The following MLLT6 variants were observed in gnomAD, a reference collection of about 807,000 sequenced individuals.
The protein encoded by MLLT6 is MLLT6, PHD finger containing.
In MLLT6, 22 loss-of-function variants were observed where a neutral mutation model predicts 103.0. The ratio of observed to expected loss-of-function variants is 0.21; its 90% CI spans 0.15 to 0.31. MLLT6 has a LOEUF of 0.31. MLLT6 is among the 10% of genes least tolerant of loss of function. The pLI is 1.00. For missense variants in MLLT6, 1,199 were observed against 1,441.7 expected (o/e 0.83, Z 2.73); for synonymous variants, 606 against 623.5 (o/e 0.97, Z 0.42).
At chr17:38,722,396 T>TAAG (rs1327193419) in intron 17 of MLLT6, among the ~76,000 whole-genome samples, 169 bp downstream of exon 17, 1 of 152,182 alleles carries the variant, frequency 6.6e-6, no homozygotes, top group African/African-American at 2.4e-5. Flanking sequence ...CACAGACTGT[T>TAAG]AGACATGTGT....
Position 38,709,292 on chromosome 17 carries a change from C to G in MLLT6, c.458+16C>G, listed in dbSNP as rs775093850. The G allele has an allele frequency of 6.2e-7, 1 of 1,604,230 alleles. No individual in the cohort carries two copies. Among genetic ancestry groups the G allele is most frequent in the South Asian group, 1.1e-5 (1 of 90,858 alleles). ...ACGTCACCTGGTGAGACCCCTGTCC[C>G]ACCCCCCTGCCCCCCGGGTTTGTCC... is the stretch of plus-strand genomic sequence containing the variant. On this transcript the variant is annotated intron_variant, in intron 5 of 19. Transcript: ENST00000621332. This position sits in a 1 kb window ranked among gnomAD's most constrained non-coding sequence, Gnocchi z 4.3.
Position 38,711,950 on chromosome 17 carries a change from G to C in MLLT6, c.656G>C (p.Arg219Pro), listed in dbSNP as rs376062210. The change falls in exon 7 of 20, where the codon CGG (arginine) becomes CCG (proline). Residue 219 changes from arginine (R) to proline (P), a missense_variant. Physicochemically the swap from Arg to Pro is moderately radical, Grantham distance 103 (BLOSUM62 -2). Coordinates refer to ENST00000621332, the MANE Select transcript of MLLT6 (RefSeq NM_005937.4). ...GSGFISGRRS[R>P]SASPSTQQEK... ...GGTTTCATCTCTGGGAGGAGAAGCC[G>C]GTCAGCCTCACCATCCACGCAGCAG... The C allele has an allele frequency of 3.1e-6, 5 of 1,609,390 alleles. No homozygotes were observed. The highest frequency in any genetic ancestry group is 4.2e-6 in the Non-Finnish European group (5 of 1,177,420).
rs754374970 is a variant in MLLT6 at position 38,716,500 on chromosome 17, G to T, written c.1170G>T (p.Lys390Asn). ...CTCCCTCAGCTCCCGAGCCCCCCAA[G>T]GCTGACCTTTTTGAGCAGAAGGTGG... Reference protein sequence around the residue: ...PPSPSAPEPPKADLFEQKVVF... With the variant: ...PPSPSAPEPPNADLFEQKVVF... The change falls in exon 10 of 20, where the codon AAG becomes AAT. Residue 390 changes from lysine to asparagine, a missense_variant. This residue lies in a region of MLLT6 where 1,034 missense variants were observed against 1,091.5 expected (regional missense o/e 0.95). Coordinates refer to ENST00000621332, the MANE Select transcript of MLLT6 (RefSeq NM_005937.4). This position sits in a 1 kb window ranked among gnomAD's most constrained non-coding sequence, Gnocchi z 5.6. 1.2e-6 allele frequency: 2 copies of T among 1,614,158 alleles called. No homozygotes were observed. The highest frequency in any genetic ancestry group is 3.3e-5 in the Admixed American group (2 of 60,022).
Position 38,726,537 on chromosome 17 carries a change from C to G in MLLT6, c.*939C>G. The G allele has an allele frequency of 4.3e-6, 1 of 233,770 alleles. No individual in the cohort carries two copies. Among genetic ancestry groups the G allele is most frequent in the Non-Finnish European group, 8.5e-6 (1 of 118,094 alleles). 14.5% of individuals were successfully genotyped at this position (233,770 alleles called of 1,614,324 possible). Reference sequence around the variant, plus strand: ...CCCTCCCCACCTCACCAACTTTGGTCCCTCTCTGGGGGCATGAATGGTTAA... The same window carrying G: ...CCCTCCCCACCTCACCAACTTTGGTGCCTCTCTGGGGGCATGAATGGTTAA... On this transcript the variant is annotated 3_prime_UTR_variant, in exon 20 of 20. Coordinates refer to ENST00000621332, the MANE Select transcript of MLLT6 (RefSeq NM_005937.4).
At chr17:38,717,368 C>T in intron 10 of MLLT6, 64 bp from the exon 11 acceptor site, 1 of 1,365,828 alleles carries the variant, frequency 7.3e-7, no homozygotes, top group Non-Finnish European at 1.0e-6. Context: ...TGTCAGCCAC[C>T]TGGCTGAGCA....
At position 38,727,872 on chromosome 17, in the gene MLLT6, G is replaced by A. The variant is rs1319936457; in HGVS notation, c.*2274G>A. On this transcript the variant is annotated 3_prime_UTR_variant, in exon 20 of 20. Coordinates refer to ENST00000621332, the MANE Select transcript of MLLT6 (RefSeq NM_005937.4). ...CATTCACACCCACGCCCTTGCCCAA[G>A]GCTGGCCCACTTAGAGCGAAACTTA... 1 of 233,124 alleles carries A rather than the reference G, an allele frequency of 4.3e-6. No individual in the cohort carries two copies. Among genetic ancestry groups the A allele is most frequent in the Non-Finnish European group, 8.5e-6 (1 of 118,014 alleles). The allele number at this position is 233,124 out of a possible 1,614,324, so 14.4% of individuals were successfully genotyped here.
At chr17:38,717,240 T>C (rs1905393460) in intron 10 of MLLT6, among the ~76,000 whole-genome samples, 192 bp from the exon 11 acceptor site, 1 of 152,028 alleles carries the variant, frequency 6.6e-6, no homozygotes, top group Non-Finnish European at 1.5e-5. Flanking sequence ...GCAGGGCAGT[T>C]TAACAAGCAG....
At chr17:38,715,905 C>A in intron 9 of MLLT6, 77 bp downstream of exon 9, 2 of 1,301,274 alleles carry the variant, frequency 1.5e-6, no homozygotes, top group South Asian at 1.4e-5. Flanking sequence ...AGGGACTTTG[C>A]ATATTGGTTT....
Position 38,720,734 on chromosome 17 carries a change from C to G in MLLT6, c.2429C>G (p.Ser810Cys), listed in dbSNP as rs997256025. Residue 810 changes from serine to cysteine, a missense_variant, in exon 16 of 20, where the codon TCC becomes TGC. Ser to Cys is a moderately radical substitution (Grantham distance 112). This residue lies in a region of MLLT6 where 1,034 missense variants were observed against 1,091.5 expected (regional missense o/e 0.95). Coordinates refer to ENST00000621332, the MANE Select transcript of MLLT6 (RefSeq NM_005937.4). ...KSSLGLDNSL[S>C]TSSEDPHSGC... ...AGCCTCGGCCTGGACAACTCGCTGT[C>G]CACTTCTTCTGAGGTGGGCGCTACG... 1 of 1,613,810 alleles carries G rather than the reference C, an allele frequency of 6.2e-7. No individual in the cohort carries two copies. The highest frequency in any genetic ancestry group is 8.5e-7 in the Non-Finnish European group (1 of 1,180,008).
chr17:38,725,383 T>G, intron 19 of MLLT6, 174 bp from the exon 20 acceptor site: 1 of 619,554 alleles, frequency 1.6e-6, no homozygotes. Flanking sequence ...GCAGGGTGGT[T>G]TCACACCCCT....
Position 38,711,867 on chromosome 17 carries a change from CG to C in MLLT6, c.578del (p.Gly193GlufsTer116). 6.3e-7 allele frequency: 1 copy of C among 1,581,564 alleles called. No homozygotes were observed. Among genetic ancestry groups the C allele is most frequent in the Non-Finnish European group, 8.6e-7 (1 of 1,163,948 alleles). ...SKMKTSRHSSGGGGGGAGGGG... is the reference protein window; with the variant it reads ...SKMKTSRHSSXGGGGGAGGGG... ...CGCAGAAGACATCCCGGCACAGCAG[CG>C]GGGGAGGCGGAGGAGGCGCTGGAGG... On this transcript the variant is annotated frameshift_variant, in exon 7 of 20. Coordinates refer to ENST00000621332, the MANE Select transcript of MLLT6 (RefSeq NM_005937.4). LOFTEE classifies it high-confidence loss of function.
In MLLT6 at chr17:38,706,945, C is replaced by T. The variant is rs766511526; in HGVS notation, c.110-5C>T. ...TTGCTCAGCGACTGTCCTCCCCACC[C>T]TCAGCTTGCTATGGCATCGTTCAGG... On this transcript the variant is annotated splice_polypyrimidine_tract_variant and splice_region_variant and intron_variant, in intron 1 of 19. Transcript: ENST00000621332. 1.2e-6 allele frequency: 2 copies of T among 1,607,046 alleles called. No homozygotes were observed. The highest frequency in any genetic ancestry group is 1.7e-5 in the Admixed American group (1 of 59,620).
At chr17:38,708,817 C>T (rs1434237565) in intron 4 of MLLT6, among the ~76,000 whole-genome samples, 1 of 152,170 alleles carries the variant, frequency 6.6e-6, no homozygotes, top group Admixed American at 6.5e-5. Flanking sequence ...ATCCCTGGAA[C>T]CCAGGAGGCG....
Position 38,729,109 on chromosome 17 carries a change from G to A in MLLT6, c.*3511G>A, listed in dbSNP as rs1906189419. On this transcript the variant is annotated 3_prime_UTR_variant, in exon 20 of 20. Transcript: ENST00000621332. ...AGCCAGGGGCCAGCTCCGAGAAAGG[G>A]TAACCTCCACGCTTCTCTCTCCCAA... 4.3e-6 allele frequency: 1 copy of A among 233,180 alleles called. No homozygotes were observed. The highest frequency in any genetic ancestry group is 8.5e-6 in the Non-Finnish European group (1 of 118,104). 14.4% of individuals were successfully genotyped at this position (233,180 alleles called of 1,614,324 possible).
rs776847999 is a variant in MLLT6, at chr17:38,717,528, C to T, written c.1748C>T (p.Pro583Leu). ...CTCTCCTCCAGCCTCCTGGGGCCCC[C>T]AGGGACCTCGGCCCTGCCCCGCCTC... ...TPLSSSLLGP[P>L]GTSALPRLSR... Residue 583 changes from proline (P) to leucine (L), a missense_variant, in exon 11 of 20, where the codon CCA becomes CTA. Transcript: ENST00000621332. 6.2e-7 allele frequency: 1 copy of T among 1,613,336 alleles called. No individual in the cohort carries two copies. Among genetic ancestry groups the T allele is most frequent in the East Asian group, 2.2e-5 (1 of 44,872 alleles).
intron 10 of MLLT6, 97 bp from the exon 11 acceptor site, chr17:38,717,335 G>A: frequency 1.0e-6 from 1 of 969,466 alleles, no homozygotes. Context: ...AGATCCCGGG[G>A]AGCACTCGAG....
rs1276401234 is a variant in MLLT6, at chr17:38,721,933, C to T, written c.2498C>T (p.Thr833Met). 3.9e-6 allele frequency: 6 copies of T among 1,545,308 alleles called. No homozygotes were observed. Among genetic ancestry groups the T allele is most frequent in the Non-Finnish European group, 4.3e-6 (5 of 1,153,016 alleles). Reference protein sequence around the residue: ...RSSSSLSFHSTPPPLPLLQQS... With the variant: ...RSSSSLSFHSMPPPLPLLQQS... Reference sequence around the variant, plus strand: ...AGCTCGTCGCTGTCCTTCCACAGCACGCCCCCACCGCTGCCCCTCCTCCAG... The same window carrying T: ...AGCTCGTCGCTGTCCTTCCACAGCATGCCCCCACCGCTGCCCCTCCTCCAG... The change falls in exon 17 of 20, where the codon ACG (threonine) becomes ATG (methionine). Residue 833 changes from threonine to methionine, a missense_variant. Physicochemically the swap from Thr to Met is moderately conservative, Grantham distance 81 (BLOSUM62 -1). This residue lies in a region of MLLT6 where 1,034 missense variants were observed against 1,091.5 expected (regional missense o/e 0.95). Transcript: ENST00000621332.
In MLLT6 at chr17:38,721,939, C is replaced by G; in HGVS notation, c.2504C>G (p.Pro835Arg). The G allele has an allele frequency of 6.5e-7, 1 of 1,540,602 alleles. No individual in the cohort carries two copies. Among genetic ancestry groups the G allele is most frequent in the Non-Finnish European group, 8.7e-7 (1 of 1,150,330 alleles). ...TCGCTGTCCTTCCACAGCACGCCCCCACCGCTGCCCCTCCTCCAGCAGAGC... is the reference window on the plus strand; with the variant it reads ...TCGCTGTCCTTCCACAGCACGCCCCGACCGCTGCCCCTCCTCCAGCAGAGC... The part of the protein sequence containing the change: ...SSSLSFHSTP[P>R]PLPLLQQSPA... Residue 835 changes from proline to arginine, a missense_variant, in exon 17 of 20, where the codon CCA (proline) becomes CGA (arginine). Pro to Arg is a moderately radical substitution (Grantham distance 103). Coordinates refer to ENST00000621332, the MANE Select transcript of MLLT6 (RefSeq NM_005937.4).
intron 11 of MLLT6, 71 bp downstream of exon 11, chr17:38,717,684 T>C: frequency 6.5e-7 from 1 of 1,538,216 alleles, no homozygotes; most frequent in Non-Finnish European, 8.9e-7. Context: ...ACCCCAGCCT[T>C]CCATGGGAAT....
Sources: gnomAD v4.1 joint callset for allele counts (sites outside exome capture counted in the v4.1 genomes callset) on GRCh38, gnomAD v4.1.1 for gene constraint, gnomAD v4.1.1 regional missense constraint, Gnocchi (gnomAD v3.1) non-coding constraint, MANE v1.5 for transcripts, NCBI Gene and HGNC (gene_info 2026-07-23, HGNC 2026-07-21) for gene names.